The following TAFA1 variants were observed in gnomAD, a reference collection of about 807,000 sequenced individuals.
TAFA1 encodes the protein TAFA chemokine like family member 1.
TAFA1 carries 4 observed loss-of-function variants against 18.5 expected under a neutral mutation model. The observed-to-expected ratio is 0.22, with a 90% CI of 0.11 to 0.49. The LOEUF is 0.49. TAFA1 is among the 20% of genes least tolerant of loss of function. TAFA1 has a pLI of 0.98. For synonymous variants in TAFA1, 56 were observed against 55.2 expected, an observed-to-expected ratio of 1.01 and a Z score of -0.06; for missense variants, 147 against 169.0, an observed-to-expected ratio of 0.87 and a Z score of 0.72.
At chr3:68,337,319 G>A (rs900093106) in intron 2 of TAFA1, among the ~76,000 whole-genome samples, 1 of 151,952 alleles carries the variant, frequency 6.6e-6, no homozygotes, top group African/African-American at 2.4e-5. Flanking sequence ...CGGGGGTGGT[G>A]CCACACATTT....
At chr3:67,992,799 A>G in the TAFA1 span, among the ~76,000 whole-genome samples, 2 of 151,988 alleles carry the variant, frequency 1.3e-5, no homozygotes, top group Non-Finnish European at 1.5e-5. Context: ...TCTTGTGGGT[A>G]TGATTGTATT....
At chr3:68,256,556 G>A (rs778907836) in intron 2 of TAFA1, among the ~76,000 whole-genome samples, 3 of 152,108 alleles carry the variant, frequency 2.0e-5, no homozygotes, top group Non-Finnish European at 2.9e-5. Flanking sequence ...AGAGAGAAAG[G>A]TGTCATTGAA....
At chr3:68,161,442 C>T (rs1373622900) in intron 2 of TAFA1, among the ~76,000 whole-genome samples, 1 of 152,152 alleles carries the variant, frequency 6.6e-6, no homozygotes, top group South Asian at 2.1e-4. Context: ...GGCCCCACCT[C>T]GGACCTGCTC....
chr3:68,500,582 T>G (rs1559695690), intron 3 of TAFA1, among the ~76,000 whole-genome samples: 2 of 152,244 alleles, frequency 1.3e-5, no homozygotes, highest in South Asian at 2.1e-4. Flanking sequence ...TTATTGTAAC[T>G]TAGTCACACC....
chr3:68,477,638 CCCAAAGTG>C (rs1200402119), intron 3 of TAFA1, among the ~76,000 whole-genome samples: 1 of 152,140 alleles, frequency 6.6e-6, no homozygotes. Flanking sequence ...ACCTTAGCCT[CCCAAAGTG>C]CTGGGATTAC....
intron 2 of TAFA1, among the ~76,000 whole-genome samples, chr3:68,304,213 G>GA (rs1373667239): frequency 6.6e-6 from 1 of 152,118 alleles, no homozygotes; most frequent in Admixed American, 6.5e-5. Context: ...TACTTGATAT[G>GA]AAAAAATGTA....
intron 2 of TAFA1, among the ~76,000 whole-genome samples, chr3:68,285,631 G>C (rs1177438630): frequency 1.3e-5 from 2 of 152,244 alleles, no homozygotes; most frequent in East Asian, 3.9e-4. Flanking sequence ...TATGTGGCAT[G>C]AGAAAGGGGA....
intron 2 of TAFA1, among the ~76,000 whole-genome samples, chr3:68,188,664 G>A (rs2066301183): frequency 6.6e-6 from 1 of 151,672 alleles, no homozygotes; most frequent in South Asian, 2.1e-4. Flanking sequence ...CAGTCTTTGT[G>A]TTTCCATTAG....
intron 2 of TAFA1, among the ~76,000 whole-genome samples, chr3:68,075,678 G>A (rs1297387373): frequency 4.0e-5 from 6 of 150,488 alleles, no homozygotes; most frequent in Non-Finnish European, 5.9e-5. Context: ...GACCAAGAAC[G>A]ACTATCTTTT....
chr3:68,392,159 A>G (rs2070269493), intron 2 of TAFA1, among the ~76,000 whole-genome samples: 1 of 125,062 alleles, frequency 8.0e-6, no homozygotes, highest in Non-Finnish European at 1.7e-5. Context: ...AAAGGGAGGG[A>G]GGAATATTTA....
intron 2 of TAFA1, among the ~76,000 whole-genome samples, chr3:68,364,071 A>G (rs933891701): frequency 1.3e-5 from 2 of 152,144 alleles, no homozygotes; most frequent in African/African-American, 4.8e-5. Context: ...GTTCACAGGA[A>G]AAAAGCTGAG....
chr3:68,518,194 A>G (rs997970855), intron 3 of TAFA1, among the ~76,000 whole-genome samples: 1 of 152,168 alleles, frequency 6.6e-6, no homozygotes. Context: ...TGGGCATGTT[A>G]TGTAGCCTCC....
intron 2 of TAFA1, among the ~76,000 whole-genome samples, chr3:68,015,332 G>T (rs1223818927): frequency 2.6e-5 from 4 of 151,184 alleles, no homozygotes; most frequent in African/African-American, 7.3e-5. Context: ...TGTTGCCTAG[G>T]CTGGAGTGCA....
At chr3:68,079,824 T>G (rs1372278891) in intron 2 of TAFA1, among the ~76,000 whole-genome samples, 1 of 152,160 alleles carries the variant, frequency 6.6e-6, no homozygotes, top group Non-Finnish European at 1.5e-5. Flanking sequence ...AGATGTCTAT[T>G]AGGTCGGCTT....
At chr3:68,171,754 A>G (rs909363186) in intron 2 of TAFA1, among the ~76,000 whole-genome samples, 5 of 152,204 alleles carry the variant, frequency 3.3e-5, no homozygotes, top group Non-Finnish European at 5.9e-5. Context: ...GAGACACTAA[A>G]AAGAGCCAAA....
In TAFA1 at chr3:68,417,281, A is replaced by G; in HGVS notation, c.120A>G (p.Glu40=). ...TFQQHHLHRP[E]GGTCEVIAAH... is the part of the protein sequence containing the mutation. ...TCCCTGTTCTTTCTCTCTTGCCAGA[A>G]GGAGGGACGTGTGAAGTGATAGCAG... Residue 40 remains glutamate, a splice_region_variant and synonymous_variant, in exon 3 of 5, where the codon GAA becomes GAG. Coordinates refer to ENST00000478136, the MANE Select transcript of TAFA1 (RefSeq NM_213609.4). 1 of 1,612,576 alleles carries G rather than the reference A, an allele frequency of 6.2e-7. No homozygotes were observed. Among genetic ancestry groups the G allele is most frequent in the Non-Finnish European group, 8.5e-7 (1 of 1,179,204 alleles).
chr3:68,126,685 T>C (rs965154303), intron 2 of TAFA1, among the ~76,000 whole-genome samples: 15 of 152,230 alleles, frequency 9.9e-5, no homozygotes, highest in African/African-American at 3.6e-4. Flanking sequence ...AGATGCACAG[T>C]TAACATTACA....
rs115909804 is a variant in TAFA1 at position 68,085,222 on chromosome 3, A to G, written c.118+78478A>G. On this transcript the variant is annotated intron_variant, in intron 2 of 4. Transcript: ENST00000478136. ...AGTGGATAATAAGTCTAAAGTCAGT[A>G]ACCATAAAGGGATTCTGTGGTTAAA... Among the ~76,000 whole-genome samples the G allele has an allele frequency of 5.3e-3, 800 of 152,334 alleles. 4 individuals carry two copies. Among genetic ancestry groups the G allele is most frequent in the African/African-American group, 0.018 (755 of 41,576 alleles).
chr3:68,267,695 G>A (rs1281425051), intron 2 of TAFA1, among the ~76,000 whole-genome samples: 1 of 151,860 alleles, frequency 6.6e-6, no homozygotes, highest in Non-Finnish European at 1.5e-5. Context: ...TAATATTTAA[G>A]GGAATGAAAA....
Sources: gnomAD v4.1 joint callset for allele counts (sites outside exome capture counted in the v4.1 genomes callset) on GRCh38, gnomAD v4.1.1 for gene constraint, MANE v1.5 for transcripts, NCBI Gene and HGNC (gene_info 2026-07-23, HGNC 2026-07-21) for gene names.